FMNL2: variants seen among roughly 807,000 people sequenced by gnomAD.
FMNL2 encodes the protein formin like 2.
Under a neutral mutation model 130.2 loss-of-function variants are expected in FMNL2, and 51 were observed. The observed-to-expected ratio is 0.39, with a 90% CI of 0.31 to 0.49. The LOEUF (loss-of-function observed/expected upper bound fraction) is 0.49. FMNL2 is among the 20% of genes least tolerant of loss of function. The pLI is 0.85. For synonymous variants in FMNL2, 465 were observed against 467.1 expected (o/e 1.00, Z 0.06); for missense variants, 977 against 1,316.2 (o/e 0.74, Z 3.99).
intron 1 of FMNL2, among the ~76,000 whole-genome samples, chr2:152,338,135 C>T (rs1462483664): frequency 6.6e-6 from 1 of 151,254 alleles, no homozygotes; most frequent in Non-Finnish European, 1.5e-5. Flanking sequence ...TCTTGAAGGA[C>T]AAGTTTTAAG....
intron 15 of FMNL2, chr2:152,621,126 C>T (rs1292705609): frequency 9.1e-6 from 9 of 985,396 alleles, no homozygotes; most frequent in Middle Eastern, 1.0e-3. Flanking sequence ...ATTATCGTCC[C>T]GTGCACCTGG....
At chr2:152,512,862 A>G (rs1438375709) in intron 1 of FMNL2, among the ~76,000 whole-genome samples, 1 of 152,188 alleles carries the variant, frequency 6.6e-6, no homozygotes, top group African/African-American at 2.4e-5. Context: ...ATAGTCAGGA[A>G]AAGATGGAGG....
intron 1 of FMNL2, among the ~76,000 whole-genome samples, chr2:152,352,358 A>G (rs1375694262): frequency 6.6e-6 from 1 of 152,222 alleles, no homozygotes; most frequent in Non-Finnish European, 1.5e-5. Context: ...GAAACTCAGG[A>G]TTAGGGAAGT....
chr2:152,352,449 C>T (rs868186085), intron 1 of FMNL2, among the ~76,000 whole-genome samples: 2 of 152,150 alleles, frequency 1.3e-5, no homozygotes, highest in African/African-American at 2.4e-5. Flanking sequence ...AGCCGTGCTC[C>T]TAACATTCTG....
chr2:152,406,313 G>A (rs1330936480), intron 1 of FMNL2, among the ~76,000 whole-genome samples: 1 of 152,152 alleles, frequency 6.6e-6, no homozygotes, highest in African/African-American at 2.4e-5. Flanking sequence ...CATTTTGAGT[G>A]GGGAGAGAGA....
intron 1 of FMNL2, among the ~76,000 whole-genome samples, chr2:152,339,119 A>G (rs1037920084): frequency 2.6e-5 from 4 of 152,350 alleles, no homozygotes; most frequent in South Asian, 4.1e-4. Context: ...AAGCTTGTCA[A>G]CCACTGCCTG....
intron 6 of FMNL2, among the ~76,000 whole-genome samples, chr2:152,566,111 T>C (rs1414785576): frequency 6.6e-6 from 1 of 152,182 alleles, no homozygotes; most frequent in Admixed American, 6.5e-5. Flanking sequence ...TGGCATTTCA[T>C]GAATAGTCCT....
rs774546089 is a variant in FMNL2, at chr2:152,575,229, C to T, written c.690C>T (p.Ala230=). Reference sequence around the variant, plus strand: ...ATGTCTGTATCATGTGTTTACGTGCCATCATGAATTATCAGGTATGTTGGA... The same window carrying T: ...ATGTCTGTATCATGTGTTTACGTGCTATCATGAATTATCAGGTATGTTGGA... ...DVHVCIMCLR[A]IMNYQYGFNM... Residue 230 remains alanine (A), a synonymous_variant, in exon 7 of 26, where the codon GCC becomes GCT. Coordinates refer to ENST00000288670, the MANE Select transcript of FMNL2 (RefSeq NM_052905.4). 1 of 1,594,548 alleles carries T rather than the reference C, an allele frequency of 6.3e-7. No individual in the cohort carries two copies. Among genetic ancestry groups the T allele is most frequent in the South Asian group, 1.1e-5 (1 of 88,118 alleles).
chr2:152,600,196 C>T (rs1384811365), intron 9 of FMNL2, among the ~76,000 whole-genome samples: 4 of 151,830 alleles, frequency 2.6e-5, no homozygotes, highest in Non-Finnish European at 5.9e-5. Context: ...TCTAATCAGT[C>T]ATAATAGAGT....
chr2:152,637,800 G>A (rs943933150), intron 23 of FMNL2, 126 bp downstream of exon 23: 48 of 761,642 alleles, frequency 6.3e-5, no homozygotes, highest in African/African-American at 5.5e-4. Flanking sequence ...TGGCATTCAC[G>A]AGATAGCAGT....
intron 3 of FMNL2, among the ~76,000 whole-genome samples, chr2:152,548,647 G>A (rs762341077): frequency 2.6e-5 from 4 of 152,090 alleles, no homozygotes; most frequent in Non-Finnish European, 5.9e-5. Flanking sequence ...TTCTTTTACT[G>A]TAATACATCA....
At chr2:152,617,327 G>A (rs1699009214) in intron 13 of FMNL2, 135 bp downstream of exon 13, 1 of 760,270 alleles carries the variant, frequency 1.3e-6, no homozygotes, top group South Asian at 1.8e-5. Flanking sequence ...CCTTTGAGAG[G>A]TGATGCTCAG....
intron 9 of FMNL2, among the ~76,000 whole-genome samples, chr2:152,605,960 C>G (rs1698339348): frequency 6.6e-6 from 1 of 152,176 alleles, no homozygotes; most frequent in Admixed American, 6.5e-5. Context: ...AACATAATTA[C>G]TCATTTATCT....
intron 1 of FMNL2, among the ~76,000 whole-genome samples, chr2:152,492,069 G>A (rs142303340): frequency 3.3e-5 from 5 of 152,254 alleles, no homozygotes; most frequent in Non-Finnish European, 7.4e-5. Flanking sequence ...AAAATAAAAA[G>A]TACTGGCATG....
In FMNL2 at chr2:152,390,690, C is replaced by G. The variant is rs549546815; in HGVS notation, c.117+54970C>G. On this transcript the variant is annotated intron_variant, in intron 1 of 25. Coordinates refer to ENST00000288670, the MANE Select transcript of FMNL2 (RefSeq NM_052905.4). ...GGCTGAGCTACAACCATCCAACCTT[C>G]TTTCCCACTCTTCTCTGGCCCTTGT... The G allele has an allele frequency of 6.4e-5, 48 of 753,518 alleles. No homozygotes were observed. The East Asian group carries it at 1.2e-3, about 18-fold the overall frequency. The allele number at this position is 753,518 out of a possible 1,614,324, so 46.7% of individuals were successfully genotyped here.
Position 152,626,678 on chromosome 2 carries a change from T to C in FMNL2, c.2116T>C (p.Leu706=), listed in dbSNP as rs1471538141. ...CAGGGCCAAAAATCTTGCCATAACTTTAAGGAAAGCTGGAAAGACTGCTGA... is the reference window on the plus strand; with the variant it reads ...CAGGGCCAAAAATCTTGCCATAACTCTAAGGAAAGCTGGAAAGACTGCTGA... The part of the protein sequence containing the change: ...ANRAKNLAIT[L]RKAGKTADEI... Residue 706 remains leucine (L), a synonymous_variant, in exon 17 of 26, where the codon TTA becomes CTA. Transcript: ENST00000288670. The C allele has an allele frequency of 7.4e-6, 12 of 1,612,920 alleles. No individual in the cohort carries two copies. In the East Asian group the frequency reaches 2.7e-4, roughly 36 times the overall value.
Position 152,637,670 on chromosome 2 carries a change from A to AT in FMNL2, c.2943dup (p.Lys982Ter). ...GTCTTTGTCCGGTTTGTGAAAGCAT[A>AT]TAAGGTATATGTTAAGGCCCTCCTT... On this transcript the variant is annotated frameshift_variant, in exon 23 of 26. Transcript: ENST00000288670. LOFTEE classifies it high-confidence loss of function. The AT allele has an allele frequency of 6.2e-7, 1 of 1,613,818 alleles. No individual in the cohort carries two copies. The highest frequency in any genetic ancestry group is 8.5e-7 in the Non-Finnish European group (1 of 1,179,742).
At chr2:152,617,397 G>A (rs980580080) in intron 13 of FMNL2, among the ~76,000 whole-genome samples, 16 of 152,188 alleles carry the variant, frequency 1.1e-4, no homozygotes, top group Non-Finnish European at 2.4e-4. Context: ...AGATACTGGG[G>A]GTTCAGTATT....
intron 1 of FMNL2, among the ~76,000 whole-genome samples, chr2:152,364,974 A>G (rs1683426383): frequency 6.6e-6 from 1 of 152,264 alleles, no homozygotes; most frequent in African/African-American, 2.4e-5. Flanking sequence ...AGTCTTTTCA[A>G]TCCACCTATG....
Sources: allele counts gnomAD v4.1 joint callset (sites outside exome capture counted in the v4.1 genomes callset), GRCh38; gene constraint gnomAD v4.1.1; transcripts MANE v1.5; gene names NCBI Gene and HGNC (gene_info 2026-07-23, HGNC 2026-07-21).